The following RPTOR variants were observed in gnomAD, a reference collection of about 807,000 sequenced individuals.
The protein encoded by RPTOR is regulatory associated protein of MTOR complex 1.
In RPTOR, 21 loss-of-function variants were observed where a neutral mutation model predicts 169.9. The ratio of observed to expected loss-of-function variants is 0.12; its 90% CI spans 0.09 to 0.18. The LOEUF (loss-of-function observed/expected upper bound fraction) is 0.18. Among genes scored for constraint, RPTOR ranks in the 10% least tolerant of loss-of-function variants. RPTOR has a pLI of 1.00. For synonymous variants in RPTOR, 732 were observed against 753.2 expected (o/e 0.97, Z 0.46); for missense variants, 1,133 against 1,855.9 (o/e 0.61, Z 7.16).
chr17:80,925,392 C>T lies in RPTOR; in HGVS notation c.2831C>T (p.Ala944Val), dbSNP rs754508859. The change falls in exon 24 of 34, where the codon GCT becomes GTT. Residue 944 changes from alanine to valine, a missense_variant. Coordinates refer to ENST00000306801, the MANE Select transcript of RPTOR (RefSeq NM_020761.3). Reference protein sequence around the residue: ...PEQTADDADDAAGHKSFISAT... With the variant: ...PEQTADDADDVAGHKSFISAT... ...AAGACTGCGGACGACGCGGACGATG[C>T]TGCTGGACACAAAAGTTTCATCTCC... 3.7e-6 allele frequency: 6 copies of T among 1,613,636 alleles called. No homozygotes were observed. Among genetic ancestry groups the T allele is most frequent in the Non-Finnish European group, 4.2e-6 (5 of 1,180,034 alleles).
intron 7 of RPTOR, among the ~76,000 whole-genome samples, chr17:80,807,623 G>A (rs902718286): frequency 2.0e-5 from 3 of 151,922 alleles, no homozygotes; most frequent in Non-Finnish European, 2.9e-5. Context: ...AAGGGCTGGG[G>A]TTACAGGCAT....
At chr17:80,677,824 C>T (rs1334570547) in intron 3 of RPTOR, among the ~76,000 whole-genome samples, 3 of 152,198 alleles carry the variant, frequency 2.0e-5, no homozygotes, top group African/African-American at 7.2e-5. Context: ...ATGATTCCTA[C>T]TCCATCATTG....
At chr17:80,616,718 G>A (rs2065313902) in intron 1 of RPTOR, among the ~76,000 whole-genome samples, 1 of 152,092 alleles carries the variant, frequency 6.6e-6, no homozygotes, top group South Asian at 2.1e-4. Flanking sequence ...GAGCCCTATT[G>A]AAGCAATAGG....
At chr17:80,718,382 T>C (rs960365398) in intron 4 of RPTOR, among the ~76,000 whole-genome samples, 2 of 152,220 alleles carry the variant, frequency 1.3e-5, no homozygotes, top group African/African-American at 4.8e-5. Context: ...AATAGGGACA[T>C]AAAATGGATC....
chr17:80,874,817 AC>A (rs1313068611), intron 13 of RPTOR, among the ~76,000 whole-genome samples: 1 of 152,084 alleles, frequency 6.6e-6, no homozygotes, highest in Non-Finnish European at 1.5e-5. Context: ...ACGGTAACAC[AC>A]CACCGAAGGC....
Position 80,726,473 on chromosome 17 carries a change from A to C in RPTOR, c.508-4087A>C, listed in dbSNP as rs1825702984. 6.6e-6 allele frequency among the ~76,000 whole-genome samples: 1 copy of C among 151,980 alleles called. No individual in the cohort carries two copies. The highest frequency in any genetic ancestry group is 1.5e-5 in the Non-Finnish European group (1 of 67,988). On this transcript the variant is annotated intron_variant, in intron 4 of 33. Transcript: ENST00000306801. This position sits in a 1 kb window ranked among gnomAD's most constrained non-coding sequence, Gnocchi z 4.5. ...CATCTTCCTGAACTTTGCATCTCAG[A>C]ATTTAAAATGGAGATTTTGATTTTG...
intron 16 of RPTOR, 67 bp downstream of exon 16, chr17:80,884,039 T>G: frequency 6.6e-7 from 1 of 1,518,874 alleles, no homozygotes; most frequent in Non-Finnish European, 8.9e-7. Context: ...GGCAGAGGTC[T>G]GCTCGCGTGC....
At chr17:80,916,916 A>G (rs1479636946) in intron 21 of RPTOR, among the ~76,000 whole-genome samples, 1 of 152,114 alleles carries the variant, frequency 6.6e-6, no homozygotes, top group Non-Finnish European at 1.5e-5. Flanking sequence ...CGAACCCAGG[A>G]GACGGAGATT....
chr17:80,692,648 T>A (rs113728898), intron 3 of RPTOR, among the ~76,000 whole-genome samples: 13,712 of 151,482 alleles, frequency 0.091, 694 homozygotes, highest in African/African-American at 0.14. Context: ...TTTTTAGTAG[T>A]GATGAAGTCT....
rs1284338930 is a variant in RPTOR, at chr17:80,651,396, G to A, written c.348+7586G>A. Among the ~76,000 whole-genome samples, 1 of 152,174 alleles carries A rather than the reference G, an allele frequency of 6.6e-6. No individual in the cohort carries two copies. Among genetic ancestry groups the A allele is most frequent in the Non-Finnish European group, 1.5e-5 (1 of 68,028 alleles). On this transcript the variant is annotated intron_variant, in intron 3 of 33. Transcript: ENST00000306801. This position sits in a 1 kb window ranked among gnomAD's most constrained non-coding sequence, Gnocchi z 4.1. ...TGGAGGGGGACGGCCACTTCAAAGT[G>A]TCTGCGGTACTTGATTTCATTTTGC...
Position 80,626,760 on chromosome 17 carries a change from A to G in RPTOR, c.265+967A>G, listed in dbSNP as rs201843901. Among the ~76,000 whole-genome samples, 78 of 144,458 alleles carry G rather than the reference A, an allele frequency of 5.4e-4. 1 individual carries two copies. The East Asian group carries it at 0.015, about 27-fold the overall frequency. 94.8% of individuals were successfully genotyped at this position (144,458 alleles called of 152,430 possible). A position where few individuals can be genotyped will look rare whatever the true frequency, so the allele number is the denominator to read the frequency against. ...AATTGTGGTAAAACATAGACAACAC[A>G]AAATACCATTCTAGGAATTATTATT... is the stretch of plus-strand genomic sequence containing the variant. On this transcript the variant is annotated intron_variant, in intron 2 of 33. Coordinates refer to ENST00000306801, the MANE Select transcript of RPTOR (RefSeq NM_020761.3).
At chr17:80,876,644 C>T (rs1230833999) in intron 13 of RPTOR, among the ~76,000 whole-genome samples, 10 of 130,932 alleles carry the variant, frequency 7.6e-5, no homozygotes, top group African/African-American at 2.1e-4. Flanking sequence ...GTCTTCACAC[C>T]GAGCCCGTGC....
intron 7 of RPTOR, among the ~76,000 whole-genome samples, chr17:80,809,223 A>G (rs1347336766): frequency 6.6e-6 from 1 of 152,054 alleles, no homozygotes; most frequent in Admixed American, 6.5e-5. Flanking sequence ...ATGGCGTCTC[A>G]CTTTCTTGTC....
chr17:80,638,354 T>G (rs1026360147), intron 2 of RPTOR, among the ~76,000 whole-genome samples: 1 of 151,990 alleles, frequency 6.6e-6, no homozygotes, highest in African/African-American at 2.4e-5. Context: ...TGCCCACAGC[T>G]GAAACCTTGG....
In RPTOR at chr17:80,904,985, G is replaced by A. The variant is rs191363723; in HGVS notation, c.2402-3826G>A. Among the ~76,000 whole-genome samples the A allele has an allele frequency of 3.1e-3, 475 of 152,072 alleles. 3 individuals carry two copies. The highest frequency in any genetic ancestry group is 0.011 in the African/African-American group (469 of 41,470). ...GATATAAGTGGAAGTCTGCACGAAG[G>A]TCGACAACAATAGCGTTGGCCCTCG... On this transcript the variant is annotated intron_variant, in intron 20 of 33. Coordinates refer to ENST00000306801, the MANE Select transcript of RPTOR (RefSeq NM_020761.3).
chr17:80,925,518 C>T lies in RPTOR; in HGVS notation c.2919+38C>T, dbSNP rs139775860. On this transcript the variant is annotated intron_variant, in intron 24 of 33. Coordinates refer to ENST00000306801, the MANE Select transcript of RPTOR (RefSeq NM_020761.3). Reference sequence around the variant, plus strand: ...TGTGGGGTTCAGAGTAGAGTCCTAGCGAACATGTGTCTGTCCCACTTCTTT... The same window carrying T: ...TGTGGGGTTCAGAGTAGAGTCCTAGTGAACATGTGTCTGTCCCACTTCTTT... 13,221 of 1,479,354 alleles carry T rather than the reference C, an allele frequency of 8.9e-3. 89 individuals carry two copies. The highest frequency in any genetic ancestry group is 0.017 in the South Asian group (1,536 of 88,450). The allele number at this position is 1,479,354 out of a possible 1,614,324, so 91.6% of individuals were successfully genotyped here. A position where few individuals can be genotyped will look rare whatever the true frequency, so the allele number is the denominator to read the frequency against.
chr17:80,831,402 C>T (rs879412802), intron 9 of RPTOR, among the ~76,000 whole-genome samples: 2 of 152,192 alleles, frequency 1.3e-5, no homozygotes, highest in Non-Finnish European at 1.5e-5. Flanking sequence ...CTGTCCTAGG[C>T]GTGTTAACAT....
At chr17:80,636,165 C>T (rs35327093) in intron 2 of RPTOR, among the ~76,000 whole-genome samples, 25,951 of 151,864 alleles carry the variant, frequency 0.17, 2,347 homozygotes, top group Non-Finnish European at 0.19. Context: ...CTAGTGATGC[C>T]GTGTACCTCA....
intron 24 of RPTOR, among the ~76,000 whole-genome samples, chr17:80,928,850 C>T (rs1000885228): frequency 1.3e-5 from 2 of 152,194 alleles, no homozygotes; most frequent in Non-Finnish European, 2.9e-5. Context: ...AAAATTGATT[C>T]TATCCAGAGA....
Sources: allele counts gnomAD v4.1 joint callset (sites outside exome capture counted in the v4.1 genomes callset), GRCh38; gene constraint gnomAD v4.1.1; non-coding constraint Gnocchi (gnomAD v3.1); transcripts MANE v1.5; gene names NCBI Gene and HGNC (gene_info 2026-07-23, HGNC 2026-07-21).